Variants in MBOAT1 observed in about 807,000 individuals in gnomAD.
MBOAT1 encodes the protein membrane-bound glycerophospholipid O-acyltransferase 1.
A neutral mutation model predicts 64.4 loss-of-function variants in MBOAT1; 67 were observed. That is an observed-to-expected ratio of 1.04 (90% CI 0.85 to 1.27). The LOEUF (loss-of-function observed/expected upper bound fraction) is 1.27, where lower values mean the gene tolerates loss of function less well. MBOAT1 is among the 50% of genes most tolerant of loss of function. The pLI is 0.00. For synonymous variants in MBOAT1, 229 were observed against 218.9 expected, an observed-to-expected ratio of 1.05 and a Z score of -0.41; for missense variants, 563 against 604.6, an observed-to-expected ratio of 0.93 and a Z score of 0.72.
rs374574835 is a variant in MBOAT1, at chr6:20,128,506, G to A, written c.530+193C>T. Among the ~76,000 whole-genome samples, 27 of 152,238 alleles carry A rather than the reference G, an allele frequency of 1.8e-4. No homozygotes were observed. In the South Asian group the frequency reaches 5.6e-3, roughly 32 times the overall value. On this transcript the variant is annotated intron_variant, in intron 6 of 12. Transcript: ENST00000324607. ...CACATTTCAAAATGACCTAGTACAA[G>A]GTTATTCATCACTTAATCACTTGTA...
intron 1 of MBOAT1, among the ~76,000 whole-genome samples, chr6:20,195,605 C>CTGTG (rs10540923): frequency 0.043 from 6,493 of 149,588 alleles, 206 homozygotes; most frequent in African/African-American, 0.076. Context: ...AATAAATTGC[C>CTGTG]TGTGTGTGTG....
chr6:20,182,314 A>G (rs1762532172), intron 1 of MBOAT1, among the ~76,000 whole-genome samples: 1 of 152,154 alleles, frequency 6.6e-6, no homozygotes, highest in African/African-American at 2.4e-5. Flanking sequence ...GAACGGCCAA[A>G]CAAGCTCCCT....
intron 2 of MBOAT1, among the ~76,000 whole-genome samples, chr6:20,152,363 A>T (rs7753103): frequency 0.068 from 9,665 of 141,282 alleles, 620 homozygotes; most frequent in African/African-American, 0.16. Context: ...ATAAATAAAT[A>T]AATTAATTAA....
chr6:20,158,745 C>CA (rs1454230336), intron 1 of MBOAT1, among the ~76,000 whole-genome samples: 1 of 152,072 alleles, frequency 6.6e-6, no homozygotes, highest in Non-Finnish European at 1.5e-5. Context: ...TTCTAATTAC[C>CA]AATGGGCAAA....
At chr6:20,147,231 G>A (rs912199927) in intron 3 of MBOAT1, among the ~76,000 whole-genome samples, 5 of 152,234 alleles carry the variant, frequency 3.3e-5, no homozygotes, top group African/African-American at 1.2e-4. Flanking sequence ...TCAGCAGTGT[G>A]AAAACAGACA....
intron 6 of MBOAT1, among the ~76,000 whole-genome samples, chr6:20,128,471 T>A (rs931706848): frequency 1.3e-5 from 2 of 152,212 alleles, no homozygotes; most frequent in Non-Finnish European, 2.9e-5. Context: ...ATCCTACAGT[T>A]CTACCCTAAC....
intron 12 of MBOAT1, among the ~76,000 whole-genome samples, chr6:20,103,441 T>C (rs1332339007): frequency 1.3e-5 from 2 of 152,160 alleles, no homozygotes; most frequent in Non-Finnish European, 2.9e-5. Flanking sequence ...GTTTGTTTGT[T>C]TGTTGTTGAG....
intron 1 of MBOAT1, among the ~76,000 whole-genome samples, chr6:20,168,766 GGGA>G (rs1762107161): frequency 9.6e-6 from 1 of 103,632 alleles, no homozygotes; most frequent in Non-Finnish European, 2.0e-5. Context: ...AGGGAGGGAG[GGGA>G]GAGGAGGGGA....
intron 1 of MBOAT1, among the ~76,000 whole-genome samples, chr6:20,165,864 T>C (rs1762002702): frequency 6.6e-6 from 1 of 152,138 alleles, no homozygotes; most frequent in Admixed American, 6.6e-5. Flanking sequence ...CTGCAGGTCC[T>C]TCCAGGCATC....
chr6:20,198,741 GCT>G (rs948923108), intron 1 of MBOAT1, among the ~76,000 whole-genome samples: 4 of 152,126 alleles, frequency 2.6e-5, no homozygotes, highest in Non-Finnish European at 4.4e-5. Flanking sequence ...AGGTTTTTCA[GCT>G]CTCATAAAAA....
At chr6:20,166,952 A>G (rs1762032293) in intron 1 of MBOAT1, among the ~76,000 whole-genome samples, 1 of 152,088 alleles carries the variant, frequency 6.6e-6, no homozygotes, top group Non-Finnish European at 1.5e-5. Flanking sequence ...TGAATGAAAG[A>G]AAAGAAAAAA....
In MBOAT1 at chr6:20,099,779, T is replaced by C. The variant is rs1289908853; in HGVS notation, c.*2507A>G. Reference sequence around the variant, plus strand: ...ATAAGTATTTATGAACTGCATCTTATATTTAGGACAACTTGGAAATCTAAG... The same window carrying C: ...ATAAGTATTTATGAACTGCATCTTACATTTAGGACAACTTGGAAATCTAAG... On this transcript the variant is annotated 3_prime_UTR_variant, in exon 13 of 13. Transcript: ENST00000324607. Among the ~76,000 whole-genome samples the C allele has an allele frequency of 6.6e-6, 1 of 152,186 alleles. No individual in the cohort carries two copies. Among genetic ancestry groups the C allele is most frequent in the Non-Finnish European group, 1.5e-5 (1 of 68,030 alleles).
At chr6:20,116,737 C>T (rs940688837) in intron 9 of MBOAT1, among the ~76,000 whole-genome samples, 4 of 152,172 alleles carry the variant, frequency 2.6e-5, no homozygotes, top group Non-Finnish European at 5.9e-5. Context: ...TAAACTTTCT[C>T]TTTCTGGTTT....
At chr6:20,177,739 G>A (rs1160879271) in intron 1 of MBOAT1, among the ~76,000 whole-genome samples, 11 of 143,340 alleles carry the variant, frequency 7.7e-5, no homozygotes, top group South Asian at 2.2e-4. Flanking sequence ...GTGCCACTGT[G>A]CTCCAGCCTG....
intron 1 of MBOAT1, among the ~76,000 whole-genome samples, chr6:20,157,928 C>T (rs532833272): frequency 2.8e-4 from 43 of 151,934 alleles, no homozygotes; most frequent in African/African-American, 8.9e-4. Context: ...GGCCAAGGCG[C>T]GCGGATCAGC....
intron 4 of MBOAT1, among the ~76,000 whole-genome samples, chr6:20,142,064 A>C (rs562268238): frequency 7.5e-6 from 1 of 132,904 alleles, no homozygotes; most frequent in Admixed American, 7.6e-5. Context: ...AAATGAATAG[A>C]TGCTTCCTGC....
chr6:20,145,204 C>T (rs539911897), intron 3 of MBOAT1, among the ~76,000 whole-genome samples: 1 of 139,718 alleles, frequency 7.2e-6, no homozygotes, highest in Admixed American at 7.6e-5. Flanking sequence ...GGGATTAGCC[C>T]TCTTACAAAA....
At chr6:20,130,193 T>C (rs529778800) in intron 5 of MBOAT1, among the ~76,000 whole-genome samples, 12 of 152,214 alleles carry the variant, frequency 7.9e-5, no homozygotes, top group Non-Finnish European at 1.6e-4. Context: ...CCAAAGCCCA[T>C]ATTGAAATCT....
intron 8 of MBOAT1, among the ~76,000 whole-genome samples, chr6:20,122,313 C>T (rs1760516075): frequency 6.6e-6 from 1 of 152,132 alleles, no homozygotes; most frequent in Non-Finnish European, 1.5e-5. Flanking sequence ...GACTACTGAA[C>T]CTTCCCTAGT....
Sources: gnomAD v4.1 joint callset for allele counts (sites outside exome capture counted in the v4.1 genomes callset) on GRCh38, gnomAD v4.1.1 for gene constraint, MANE v1.5 for transcripts, NCBI Gene and HGNC (gene_info 2026-07-23, HGNC 2026-07-21) for gene names.